RNF150: variants seen among roughly 807,000 people sequenced by gnomAD.
RNF150 encodes ring finger protein 150.
A neutral mutation model predicts 39.3 loss-of-function variants in RNF150; 24 were observed. The observed-to-expected ratio is 0.61, with a 90% confidence interval of 0.44 to 0.86. The LOEUF is 0.86. RNF150 is among the 40% of genes least tolerant of loss of function. The probability of loss-of-function intolerance (pLI) is 0.00; values close to 1 mark genes in which losing one functional copy is unlikely to be tolerated. For synonymous variants in RNF150, 255 were observed against 227.3 expected (o/e 1.12, Z -1.10); for missense variants, 502 against 587.8 (o/e 0.85, Z 1.51).
At chr4:140,950,659 T>C (rs907383244) in intron 2 of RNF150, among the ~76,000 whole-genome samples, 2 of 152,162 alleles carry the variant, frequency 1.3e-5, no homozygotes, top group Non-Finnish European at 2.9e-5. Context: ...CAGCCATCCA[T>C]CCAACGTCTG....
At chr4:140,933,009 G>A (rs963651007) in intron 4 of RNF150, among the ~76,000 whole-genome samples, 3 of 152,216 alleles carry the variant, frequency 2.0e-5, no homozygotes, top group African/African-American at 7.2e-5. Context: ...CTGCATCAAA[G>A]CTTCGCCTAT....
At position 141,015,491 on chromosome 4, in the gene RNF150, T is replaced by C. The variant is rs112883326; in HGVS notation, c.485-47618A>G. On this transcript the variant is annotated intron_variant, in intron 1 of 6. Coordinates refer to ENST00000515673, the MANE Select transcript of RNF150 (RefSeq NM_020724.2). Reference sequence around the variant, plus strand: ...TTTATCTTCTTGGTTAAATTTATACTTATGTATTTAATTTTTTTGCTATTG... The same window carrying C: ...TTTATCTTCTTGGTTAAATTTATACCTATGTATTTAATTTTTTTGCTATTG... Among the ~76,000 whole-genome samples, 706 of 152,336 alleles carry C rather than the reference T, an allele frequency of 4.6e-3. 5 individuals are homozygous for C. Among genetic ancestry groups the C allele is most frequent in the African/African-American group, 0.016 (681 of 41,588 alleles).
rs1300625907 is a variant in RNF150 at position 140,911,228 on chromosome 4, C to T, written c.1114G>A (p.Ala372Thr). The T allele has an allele frequency of 1.9e-6, 3 of 1,613,994 alleles. No homozygotes were observed. In the African/African-American group the frequency reaches 4.0e-5, roughly 22 times the overall value. The change falls in exon 6 of 7, where the codon GCT (alanine) becomes ACT (threonine). Residue 372 changes from alanine (A) to threonine (T), a missense_variant. Transcript: ENST00000515673. Reference protein sequence around the residue: ...VNESSVTLDPAVRTVGALQVV... With the variant: ...VNESSVTLDPTVRTVGALQVV... The stretch of plus-strand genomic sequence containing the variant: ...TGCAAGGCTCCCACAGTCCGGACAG[C>T]AGGGTCCAAAGTGACTGAACTTTCA...
intron 1 of RNF150, among the ~76,000 whole-genome samples, chr4:141,018,959 G>A (rs1578637405): frequency 6.7e-6 from 1 of 150,292 alleles, no homozygotes; most frequent in South Asian, 2.1e-4. Flanking sequence ...TATAAACATT[G>A]CTGGGGTTTA....
chr4:140,891,726 CACCGACTGGT>C (rs1729760151), intron 6 of RNF150, among the ~76,000 whole-genome samples: 1 of 152,074 alleles, frequency 6.6e-6, no homozygotes, highest in Non-Finnish European at 1.5e-5. Context: ...AAACCTGGGC[CACCGACTGGT>C]ACCAGTCCAT....
In RNF150 at chr4:141,006,966, G is replaced by C. The variant is rs140433655; in HGVS notation, c.485-39093C>G. 3.5e-3 allele frequency among the ~76,000 whole-genome samples: 539 copies of C among 152,216 alleles called. 2 individuals are homozygous for C. Among genetic ancestry groups the C allele is most frequent in the African/African-American group, 0.012 (494 of 41,538 alleles). ...ATAGATATCTGTAAGAAAACTACAC[G>C]TCTGGAAAAGTTAATCCCTAATGAG... On this transcript the variant is annotated intron_variant, in intron 1 of 6. Transcript: ENST00000515673.
intron 1 of RNF150, among the ~76,000 whole-genome samples, chr4:141,016,516 G>A (rs761049309): frequency 8.5e-5 from 13 of 152,214 alleles, no homozygotes; most frequent in African/African-American, 1.2e-4. Context: ...GAGTAGTCCC[G>A]CTCTGCGGGA....
Position 141,143,616 on chromosome 4 carries a change from G to A in RNF150, c.-6+69178C>T, listed in dbSNP as rs138311177. On this transcript the variant is annotated intron_variant, in intron 1 of 7. Transcript: ENST00000420921. ...GGCAAGTCAGTGGACTTCTTAAAAC[G>A]TAAATCCCCCACTTTAAGTGAGCCT... Among the ~76,000 whole-genome samples the A allele has an allele frequency of 4.6e-3, 701 of 152,286 alleles. 4 individuals carry two copies. The highest frequency in any genetic ancestry group is 0.016 in the African/African-American group (662 of 41,556).
intron 1 of RNF150, among the ~76,000 whole-genome samples, chr4:141,206,438 AG>A (rs369026317): frequency 4.4e-4 from 66 of 149,940 alleles, no homozygotes; most frequent in African/African-American, 8.1e-4. Flanking sequence ...AAAAAAAAAA[AG>A]AGTGTTCCCA....
intron 1 of RNF150, among the ~76,000 whole-genome samples, chr4:141,152,706 A>G (rs241866): frequency 0.36 from 54,161 of 152,002 alleles, 11,815 homozygotes; most frequent in Non-Finnish European, 0.47. Context: ...TGTACTAACC[A>G]CTTCTGGGGG....
intron 1 of RNF150, among the ~76,000 whole-genome samples, chr4:140,970,067 C>A (rs1362529670): frequency 6.6e-6 from 1 of 151,996 alleles, no homozygotes; most frequent in Non-Finnish European, 1.5e-5. Flanking sequence ...CCCAGACTTA[C>A]ACTTTTTAGT....
At chr4:141,053,829 C>T (rs1736869760) in intron 1 of RNF150, 1 of 549,428 alleles carries the variant, frequency 1.8e-6, no homozygotes, top group African/African-American at 1.9e-5. Context: ...TCTCTCTTTC[C>T]AAAAGATATG....
chr4:141,207,544 C>T (rs1442891329), intron 1 of RNF150, among the ~76,000 whole-genome samples: 1 of 152,122 alleles, frequency 6.6e-6, no homozygotes, highest in African/African-American at 2.4e-5. Flanking sequence ...AGCCTCAGCC[C>T]TCAACCACAA....
At chr4:140,918,275 C>T (rs549965667) in intron 5 of RNF150, among the ~76,000 whole-genome samples, 11 of 151,996 alleles carry the variant, frequency 7.2e-5, no homozygotes, top group East Asian at 1.9e-4. Context: ...AAAACATCAA[C>T]GAAATTGATA....
chr4:141,150,870 A>T (rs1727284457), intron 1 of RNF150, among the ~76,000 whole-genome samples: 1 of 152,184 alleles, frequency 6.6e-6, no homozygotes. Context: ...AAATGAATGG[A>T]TGAATCTGGT....
At chr4:141,071,030 C>A (rs1358667656) in intron 1 of RNF150, among the ~76,000 whole-genome samples, 2 of 126,956 alleles carry the variant, frequency 1.6e-5, no homozygotes, top group Non-Finnish European at 1.7e-5. Context: ...GGCACATATA[C>A]ACCATGGAAT....
At chr4:141,177,617 A>G (rs971571823) in intron 1 of RNF150, among the ~76,000 whole-genome samples, 1 of 152,192 alleles carries the variant, frequency 6.6e-6, no homozygotes, top group Non-Finnish European at 1.5e-5. Context: ...GAGAATTTCC[A>G]CAATCCAGGT....
chr4:140,949,426 A>C, intron 2 of RNF150, 54 bp from the exon 3 acceptor site: 2 of 1,443,858 alleles, frequency 1.4e-6, no homozygotes, highest in Non-Finnish European at 1.9e-6. Context: ...TCTTGACTTC[A>C]TTTCTGATAT....
At chr4:141,116,950 A>G (rs1180823560) in intron 1 of RNF150, among the ~76,000 whole-genome samples, 1 of 151,694 alleles carries the variant, frequency 6.6e-6, no homozygotes, top group African/African-American at 2.4e-5. Context: ...ATGAGAACAC[A>G]TGAACACAGG....
Sources: gnomAD v4.1 joint callset for allele counts (sites outside exome capture counted in the v4.1 genomes callset) on GRCh38, gnomAD v4.1.1 for gene constraint, MANE v1.5 for transcripts, NCBI Gene and HGNC (gene_info 2026-07-23, HGNC 2026-07-21) for gene names.